HECW1: variants seen among roughly 807,000 people sequenced by gnomAD.
The protein encoded by HECW1 is HECT, C2 and WW domain containing E3 ubiquitin protein ligase 1.
A neutral mutation model predicts 182.3 loss-of-function variants in HECW1; 61 were observed. The observed-to-expected ratio is 0.33, with a 90% CI of 0.27 to 0.41. HECW1 has a LOEUF of 0.41. Ranked by LOEUF, HECW1 falls within the 10% of genes least tolerant of loss-of-function variation. HECW1 has a pLI of 1.00. For synonymous variants in HECW1, 859 were observed against 832.6 expected, an observed-to-expected ratio of 1.03 and a Z score of -0.55; for missense variants, 1,739 against 2,108.9, an observed-to-expected ratio of 0.82 and a Z score of 3.44.
intron 2 of HECW1, among the ~76,000 whole-genome samples, chr7:43,181,360 G>A (rs1438329035): frequency 6.6e-6 from 1 of 150,952 alleles, no homozygotes; most frequent in Admixed American, 6.6e-5. Flanking sequence ...TAAATATTCA[G>A]CAGTGGGATT....
intron 17 of HECW1, among the ~76,000 whole-genome samples, chr7:43,481,828 T>G (rs2078445364): frequency 6.6e-6 from 1 of 151,544 alleles, no homozygotes; most frequent in Admixed American, 6.6e-5. Context: ...ACTAAAATAA[T>G]ACAAAAAATT....
intron 12 of HECW1, among the ~76,000 whole-genome samples, chr7:43,456,022 G>A (rs1305401930): frequency 6.6e-6 from 1 of 151,972 alleles, no homozygotes; most frequent in Non-Finnish European, 1.5e-5. Flanking sequence ...AAAAAAGAAA[G>A]TATTAGAATT....
intron 15 of HECW1, among the ~76,000 whole-genome samples, chr7:43,468,160 C>T (rs1409025489): frequency 6.6e-6 from 1 of 152,080 alleles, no homozygotes; most frequent in Non-Finnish European, 1.5e-5. Context: ...CATCTCTTCC[C>T]ATCCTCCAAC....
rs1273919563 is a variant in HECW1 at position 43,259,061 on chromosome 7, G to A, written c.27+15129G>A. On this transcript the variant is annotated intron_variant, in intron 3 of 29. Coordinates refer to ENST00000395891, the MANE Select transcript of HECW1 (RefSeq NM_015052.5). ...CTCAAGGAAAACAAAACAAACAATA[G>A]TATGCTTCAGTCTGCACTATTCTTC... Among the ~76,000 whole-genome samples the A allele has an allele frequency of 2.0e-5, 3 of 152,186 alleles. No homozygotes were observed. The East Asian group carries it at 5.8e-4, about 29-fold the overall frequency.
intron 2 of HECW1, among the ~76,000 whole-genome samples, chr7:43,240,537 C>T (rs892411622): frequency 2.6e-5 from 4 of 152,162 alleles, no homozygotes; most frequent in African/African-American, 2.4e-5. Context: ...TGAAGGGTAA[C>T]GTGCTTTCTA....
At chr7:43,140,855 C>T (rs924173595) in intron 2 of HECW1, among the ~76,000 whole-genome samples, 3 of 152,134 alleles carry the variant, frequency 2.0e-5, no homozygotes, top group Admixed American at 2.0e-4. Context: ...TCCCGGTGGC[C>T]ACCACCTCAC....
At chr7:43,320,352 G>A (rs570682713) in intron 4 of HECW1, among the ~76,000 whole-genome samples, 12 of 152,310 alleles carry the variant, frequency 7.9e-5, no homozygotes, top group Admixed American at 2.0e-4. Flanking sequence ...GAAGTGAACC[G>A]CGATAGCAGT....
intron 3 of HECW1, among the ~76,000 whole-genome samples, chr7:43,276,992 G>T (rs1457118864): frequency 2.0e-5 from 3 of 152,228 alleles, no homozygotes; most frequent in South Asian, 4.1e-4. Context: ...GATCTTCTCA[G>T]TGTTGGCCAG....
chr7:43,344,308 G>A (rs1237704512), intron 5 of HECW1, among the ~76,000 whole-genome samples: 1 of 151,660 alleles, frequency 6.6e-6, no homozygotes, highest in Non-Finnish European at 1.5e-5. Context: ...ATTGCTTTTG[G>A]TGTTTTAGTC....
At position 43,444,817 on chromosome 7, in the gene HECW1, G is replaced by T; in HGVS notation, c.1645G>T (p.Ala549Ser). 1 of 1,614,036 alleles carries T rather than the reference G, an allele frequency of 6.2e-7. No individual in the cohort carries two copies. Among genetic ancestry groups the T allele is most frequent in the Non-Finnish European group, 8.5e-7 (1 of 1,180,024 alleles). Residue 549 changes from alanine (A) to serine (S), a missense_variant, in exon 11 of 30, where the codon GCC (alanine) becomes TCC (serine). Transcript: ENST00000395891. The surrounding 1 kb of genome is among the most constrained non-coding windows in gnomAD (Gnocchi z 4.3). The part of the protein sequence containing the change: ...VSELETVIAS[A>S]CGDPETPRTH... Reference sequence around the variant, plus strand: ...CGAGCTGGAGACGGTGATCGCGTCAGCCTGCGGGGACCCCGAGACCCCGCG... The same window carrying T: ...CGAGCTGGAGACGGTGATCGCGTCATCCTGCGGGGACCCCGAGACCCCGCG...
At chr7:43,533,086 T>A (rs2081055298) in intron 24 of HECW1, among the ~76,000 whole-genome samples, 1 of 152,108 alleles carries the variant, frequency 6.6e-6, no homozygotes, top group Admixed American at 6.6e-5. Context: ...ACACTGGCAA[T>A]GTCAGGAGGT....
chr7:43,560,770 G>A (rs1235556683), intron 29 of HECW1, among the ~76,000 whole-genome samples: 2 of 152,194 alleles, frequency 1.3e-5, no homozygotes, highest in South Asian at 2.1e-4. Flanking sequence ...AAACTCTAAT[G>A]AAGAGTTTAG....
At chr7:43,553,283 TAG>T (rs1554469963) in intron 28 of HECW1, among the ~76,000 whole-genome samples, 1 of 152,088 alleles carries the variant, frequency 6.6e-6, no homozygotes, top group Non-Finnish European at 1.5e-5. Flanking sequence ...ATCAATACAG[TAG>T]AGAGTGAGCT....
intron 8 of HECW1, among the ~76,000 whole-genome samples, chr7:43,422,409 C>T (rs2076214282): frequency 6.8e-6 from 1 of 146,318 alleles, no homozygotes; most frequent in Non-Finnish European, 1.5e-5. Context: ...GTCACCCAGG[C>T]TGGAGTGCAG....
chr7:43,373,384 C>T (rs2074195179), intron 6 of HECW1, among the ~76,000 whole-genome samples: 1 of 151,974 alleles, frequency 6.6e-6, no homozygotes, highest in Non-Finnish European at 1.5e-5. Flanking sequence ...TCTCAAACTC[C>T]TGATCTCAAG....
At chr7:43,350,628 T>G (rs1307100043) in intron 5 of HECW1, among the ~76,000 whole-genome samples, 1 of 152,238 alleles carries the variant, frequency 6.6e-6, no homozygotes. Context: ...GCTCTGAATT[T>G]CTTTCTTCTA....
At chr7:43,494,596 C>G (rs2152920627) in intron 19 of HECW1, among the ~76,000 whole-genome samples, 1 of 152,062 alleles carries the variant, frequency 6.6e-6, no homozygotes, top group Middle Eastern at 3.4e-3. Context: ...ATCTGCCTCC[C>G]AGGTTCAAGC....
intron 2 of HECW1, among the ~76,000 whole-genome samples, chr7:43,143,818 C>G (rs547630910): frequency 5.3e-4 from 81 of 152,252 alleles, no homozygotes; most frequent in African/African-American, 1.8e-3. Flanking sequence ...TTGGGGTGGG[C>G]ACAAGACATT....
Position 43,123,776 on chromosome 7 carries a change from G to A in HECW1, c.-32+9385G>A, listed in dbSNP as rs1438643414. ...GCCTGCCTGATGCTGTGGAATAGTG[G>A]TACCATAGCCCTTCCAACCGGGTGG... On this transcript the variant is annotated intron_variant, in intron 2 of 29. Transcript: ENST00000395891. Among the ~76,000 whole-genome samples the A allele has an allele frequency of 2.6e-5, 4 of 152,144 alleles. No individual in the cohort carries two copies. In the East Asian group the frequency reaches 5.8e-4, roughly 22 times the overall value.
Sources: allele counts gnomAD v4.1 joint callset (sites outside exome capture counted in the v4.1 genomes callset), GRCh38; gene constraint gnomAD v4.1.1; non-coding constraint Gnocchi (gnomAD v3.1); transcripts MANE v1.5; gene names NCBI Gene and HGNC (gene_info 2026-07-23, HGNC 2026-07-21).